PHKB: variants seen among roughly 807,000 people sequenced by gnomAD.
PHKB encodes phosphorylase kinase regulatory subunit beta, also known as phosphorylase b kinase regulatory subunit beta.
A neutral mutation model predicts 152.1 loss-of-function variants in PHKB; 122 were observed. That is an observed-to-expected ratio of 0.80 (90% CI 0.69 to 0.93). The LOEUF is 0.93. PHKB is among the 40% of genes least tolerant of loss of function. PHKB has a pLI of 0.00. For synonymous variants in PHKB, 436 were observed against 464.9 expected, an observed-to-expected ratio of 0.94 and a Z score of 0.80; for missense variants, 1,304 against 1,328.4, an observed-to-expected ratio of 0.98 and a Z score of 0.29.
intron 24 of PHKB, 196 bp from the exon 25 acceptor site, chr16:47,664,689 G>A: frequency 5.1e-6 from 3 of 589,036 alleles, no homozygotes; most frequent in Non-Finnish European, 9.1e-6. Flanking sequence ...TTCTTAGCCA[G>A]TAAGTTTCAA....
At chr16:47,603,407 G>T (rs1972267460) in intron 13 of PHKB, among the ~76,000 whole-genome samples, 1 of 152,128 alleles carries the variant, frequency 6.6e-6, no homozygotes, top group South Asian at 2.1e-4. Flanking sequence ...TTTCTGTGCA[G>T]CAGGCATTAT....
chr16:47,659,578 CACAA>C (rs1005010399), intron 20 of PHKB, among the ~76,000 whole-genome samples: 11 of 152,142 alleles, frequency 7.2e-5, no homozygotes, highest in African/African-American at 2.7e-4. Context: ...CACTGACAAA[CACAA>C]ACAGTGTTTA....
intron 27 of PHKB, 79 bp downstream of exon 27, chr16:47,689,254 A>G (rs1974018732): frequency 7.2e-7 from 1 of 1,389,682 alleles, no homozygotes; most frequent in African/African-American, 1.4e-5. Context: ...TATATCTATG[A>G]AATTGATAAG....
chr16:47,522,634 T>G (rs1184644542), intron 6 of PHKB, among the ~76,000 whole-genome samples: 1 of 151,848 alleles, frequency 6.6e-6, no homozygotes, highest in Admixed American at 6.6e-5. Context: ...AAAGATTAAA[T>G]TATTGACTTG....
intron 23 of PHKB, among the ~76,000 whole-genome samples, chr16:47,662,382 C>T (rs1973459796): frequency 1.3e-5 from 2 of 152,154 alleles, no homozygotes; most frequent in Non-Finnish European, 2.9e-5. Context: ...CACCATGGTC[C>T]GCTTCTGACA....
At chr16:47,625,969 C>T (rs895092775) in intron 14 of PHKB, among the ~76,000 whole-genome samples, 11 of 152,142 alleles carry the variant, frequency 7.2e-5, no homozygotes, top group South Asian at 2.1e-4. Flanking sequence ...GAAGTCCTTA[C>T]GTAGTTGTCT....
intron 20 of PHKB, among the ~76,000 whole-genome samples, chr16:47,651,338 TTTGGTTCACTG>T: frequency 6.6e-6 from 1 of 152,336 alleles, no homozygotes; most frequent in Admixed American, 6.5e-5. Context: ...AGAAACATTC[TTTGGTTCACTG>T]TTGGTCATAA....
intron 23 of PHKB, 127 bp downstream of exon 23, chr16:47,661,927 A>G (rs1477391198): frequency 3.0e-5 from 22 of 730,638 alleles, no homozygotes; most frequent in Non-Finnish European, 5.2e-5. Context: ...CTTCTTTTTC[A>G]CTTTTGAATG....
At chr16:47,653,891 A>G (rs926824368) in intron 20 of PHKB, among the ~76,000 whole-genome samples, 2 of 152,224 alleles carry the variant, frequency 1.3e-5, no homozygotes, top group African/African-American at 4.8e-5. Flanking sequence ...TGGCAATTTC[A>G]TATGGTTAAG....
intron 27 of PHKB, among the ~76,000 whole-genome samples, chr16:47,689,682 T>A (rs1974026154): frequency 6.6e-6 from 1 of 152,230 alleles, no homozygotes; most frequent in Admixed American, 6.5e-5. Context: ...AGAACTTTTT[T>A]ATTACAGAAA....
chr16:47,651,079 C>T (rs1973229513), intron 20 of PHKB, among the ~76,000 whole-genome samples, 158 bp downstream of exon 20: 1 of 152,142 alleles, frequency 6.6e-6, no homozygotes, highest in Admixed American at 6.6e-5. Context: ...TTTATCTGAT[C>T]CCACCAAGTC....
At chr16:47,461,760 C>T (rs1229714076) in intron 1 of PHKB, among the ~76,000 whole-genome samples, 2 of 152,270 alleles carry the variant, frequency 1.3e-5, no homozygotes, top group East Asian at 3.9e-4. Context: ...TGTGTCTTCC[C>T]TGTGAATGTG....
chr16:47,664,892 G>A lies in PHKB; in HGVS notation c.2344G>A (p.Val782Met), dbSNP rs762841465. The A allele has an allele frequency of 1.2e-6, 2 of 1,612,460 alleles. No homozygotes were observed. The highest frequency in any genetic ancestry group is 1.7e-5 in the Admixed American group (1 of 59,940). ...TTCCACTGACACACCCAGGTTGGCG[G>A]TGCGCTACGGGGCTGCATTTACCCA... is the stretch of plus-strand genomic sequence containing the variant. The part of the protein sequence containing the change: ...RAGSQKLWLA[V>M]RYGAAFTQKF... Residue 782 changes from valine to methionine, a missense_variant, in exon 25 of 31, where the codon GTG becomes ATG. By Grantham distance (21) the Val-to-Met change is conservative. Coordinates refer to ENST00000323584, the MANE Select transcript of PHKB (RefSeq NM_000293.3).
Position 47,698,490 on chromosome 16 carries a change from C to G in PHKB, c.3046C>G (p.Leu1016Val), listed in dbSNP as rs1974190603. ...VSIVLERNPE[L>V]EFQDKVDLDR... ...CATTGTACTGGAAAGAAACCCCGAGCTAGAATTTCAAGACAAAGTAGATCT... is the reference window on the plus strand; with the variant it reads ...CATTGTACTGGAAAGAAACCCCGAGGTAGAATTTCAAGACAAAGTAGATCT... Residue 1016 changes from leucine to valine, a missense_variant, in exon 30 of 31, where the codon CTA becomes GTA. By Grantham distance (32) the Leu-to-Val change is conservative. Coordinates refer to ENST00000323584, the MANE Select transcript of PHKB (RefSeq NM_000293.3). The G allele has an allele frequency of 6.2e-7, 1 of 1,610,964 alleles. No homozygotes were observed. Among genetic ancestry groups the G allele is most frequent in the Admixed American group, 1.7e-5 (1 of 59,964 alleles).
rs1189424167 is a variant in PHKB at position 47,516,592 on chromosome 16, T to C, written c.594+991T>C. Among the ~76,000 whole-genome samples the C allele has an allele frequency of 2.6e-5, 4 of 152,270 alleles. No homozygotes were observed. In the South Asian group the frequency reaches 6.2e-4, roughly 24 times the overall value. On this transcript the variant is annotated intron_variant, in intron 6 of 30. Transcript: ENST00000323584. ...GTTACTATTCCTCTCCTGTGATCCATGCAAGGGAGAACAATTACATCAGAC... is the reference window on the plus strand; with the variant it reads ...GTTACTATTCCTCTCCTGTGATCCACGCAAGGGAGAACAATTACATCAGAC...
chr16:47,542,153 C>T (rs958266902), intron 6 of PHKB, among the ~76,000 whole-genome samples: 3 of 152,052 alleles, frequency 2.0e-5, no homozygotes, highest in African/African-American at 7.2e-5. Flanking sequence ...GTCTTTAATT[C>T]ATCTTGAATT....
At chr16:47,547,117 G>A (rs1393226217) in intron 6 of PHKB, among the ~76,000 whole-genome samples, 1 of 152,196 alleles carries the variant, frequency 6.6e-6, no homozygotes, top group East Asian at 1.9e-4. Flanking sequence ...TGCATCCACT[G>A]TCCGACTATT....
chr16:47,698,601 C>CTTTTTTTTTTTTTTTTTTT lies in PHKB; in HGVS notation c.3144+16_3144+34dup. 2.7e-6 allele frequency: 2 copies of CTTTTTTTTTTTTTTTTTTT among 730,290 alleles called. No individual in the cohort carries two copies. Among genetic ancestry groups the CTTTTTTTTTTTTTTTTTTT allele is most frequent in the Non-Finnish European group, 3.6e-6 (2 of 550,892 alleles). The allele number at this position is 730,290 out of a possible 1,614,324, so 45.2% of individuals were successfully genotyped here. A position where few individuals can be genotyped will look rare whatever the true frequency, so the allele number is the denominator to read the frequency against. ...AATTGAAAAACAAGTAAGTACACAGCTTTTTTTTTTTTTTTTTTTTTGAGA... is the reference window on the plus strand; with the variant it reads ...AATTGAAAAACAAGTAAGTACACAGCTTTTTTTTTTTTTTTTTTTTTTTTTTTTTTTTTTTTTTTTGAGA... On this transcript the variant is annotated intron_variant, in intron 30 of 30. Transcript: ENST00000323584.
At chr16:47,673,273 G>T (rs1008374385) in intron 26 of PHKB, among the ~76,000 whole-genome samples, 1 of 151,868 alleles carries the variant, frequency 6.6e-6, no homozygotes, top group African/African-American at 2.4e-5. Flanking sequence ...TTTAACATAC[G>T]GTATATAAGC....
Sources: gnomAD v4.1 joint callset for allele counts (sites outside exome capture counted in the v4.1 genomes callset) on GRCh38, gnomAD v4.1.1 for gene constraint, MANE v1.5 for transcripts, NCBI Gene and HGNC (gene_info 2026-07-23, HGNC 2026-07-21) for gene names.